Variants in POC1A observed in about 807,000 individuals in gnomAD.
POC1A encodes the protein POC1 centriolar protein A, also known as POC1 centriolar protein homolog A.
In POC1A, 34 loss-of-function variants were observed where a neutral mutation model predicts 47.8. The ratio of observed to expected loss-of-function variants is 0.71; its 90% CI spans 0.54 to 0.95. The LOEUF (loss-of-function observed/expected upper bound fraction) is 0.95, where lower values mean the gene tolerates loss of function less well. Among genes scored for constraint, POC1A ranks in the 40% least tolerant of loss-of-function variants. POC1A has a pLI of 0.00. For synonymous variants in POC1A, 177 were observed against 207.6 expected (o/e 0.85, Z 1.27); for missense variants, 466 against 528.3 (o/e 0.88, Z 1.16).
chr3:52,078,573 C>T (rs575067387), intron 10 of POC1A, among the ~76,000 whole-genome samples: 13 of 144,654 alleles, frequency 9.0e-5, no homozygotes, highest in South Asian at 4.3e-4. Context: ...TGCAGTGGCG[C>T]GATCTCGGCT....
intron 7 of POC1A, among the ~76,000 whole-genome samples, chr3:52,134,174 G>C (rs1467539759): frequency 1.3e-5 from 2 of 152,216 alleles, no homozygotes; most frequent in African/African-American, 2.4e-5. Flanking sequence ...AGATGGAGTA[G>C]AGTGGTGGTT....
intron 10 of POC1A, among the ~76,000 whole-genome samples, chr3:52,094,821 G>A (rs1298701530): frequency 6.6e-6 from 1 of 152,222 alleles, no homozygotes; most frequent in African/African-American, 2.4e-5. Context: ...TGTGAGGCAG[G>A]ACCAGGGTGC....
intron 9 of POC1A, among the ~76,000 whole-genome samples, chr3:52,111,752 C>T (rs893444013): frequency 4.0e-5 from 6 of 151,362 alleles, no homozygotes; most frequent in South Asian, 2.1e-4. Flanking sequence ...CTGGCTCAGA[C>T]AGAGACTCTC....
chr3:52,076,272 T>C (rs1306281610), intron 10 of POC1A, among the ~76,000 whole-genome samples: 1 of 152,176 alleles, frequency 6.6e-6, no homozygotes, highest in Non-Finnish European at 1.5e-5. Context: ...CTTTGGTCAT[T>C]TCTCAAGAGA....
Position 52,090,708 on chromosome 3 carries a change from C to T in POC1A, c.1125+5861G>A, listed in dbSNP as rs750551135. Among the ~76,000 whole-genome samples, 1 of 152,178 alleles carries T rather than the reference C, an allele frequency of 6.6e-6. No individual in the cohort carries two copies. The highest frequency in any genetic ancestry group is 1.5e-5 in the Non-Finnish European group (1 of 68,028). ...AGACCCCTAGATCACCTGGCATCAC[C>T]CCCAAGAGCACAAGGGGAAACAGTA... On this transcript the variant is annotated intron_variant, in intron 10 of 10. Transcript: ENST00000296484. The surrounding 1 kb of genome is among the most constrained non-coding windows in gnomAD (Gnocchi z 4.2).
At chr3:52,138,637 A>G (rs1038458513) in intron 6 of POC1A, among the ~76,000 whole-genome samples, 1 of 152,198 alleles carries the variant, frequency 6.6e-6, no homozygotes, top group Non-Finnish European at 1.5e-5. Flanking sequence ...GTACTCAAAC[A>G]TACAAACATA....
At chr3:52,131,506 G>T (rs753705999) in intron 7 of POC1A, among the ~76,000 whole-genome samples, 2 of 152,140 alleles carry the variant, frequency 1.3e-5, no homozygotes, top group South Asian at 2.1e-4. Context: ...ACTTTCCAGA[G>T]CCTCAAATAG....
At chr3:52,098,045 T>C (rs562410286) in intron 9 of POC1A, among the ~76,000 whole-genome samples, 2 of 152,356 alleles carry the variant, frequency 1.3e-5, no homozygotes, top group South Asian at 4.1e-4. Context: ...TGGTGAGGAA[T>C]GGTGACTCAG....
intron 9 of POC1A, 106 bp downstream of exon 9, chr3:52,122,273 G>C: frequency 1.5e-6 from 1 of 658,750 alleles, no homozygotes; most frequent in South Asian, 1.7e-5. Flanking sequence ...CCTTTCCCGA[G>C]ACAGGCCTAA....
intron 10 of POC1A, among the ~76,000 whole-genome samples, chr3:52,095,810 C>T (rs1355921757): frequency 6.6e-6 from 1 of 152,266 alleles, no homozygotes; most frequent in Non-Finnish European, 1.5e-5. Flanking sequence ...CTTCCTCCCT[C>T]GGGTGAAATG....
Position 52,084,061 on chromosome 3 carries a change from A to G in POC1A, c.1126-8076T>C, listed in dbSNP as rs1702383317. Among the ~76,000 whole-genome samples, 1 of 152,240 alleles carries G rather than the reference A, an allele frequency of 6.6e-6. No homozygotes were observed. The highest frequency in any genetic ancestry group is 2.1e-4 in the South Asian group (1 of 4,836). Reference sequence around the variant, plus strand: ...CTCACAGGTCTGAGTAGGCACAGCCAGGGAGGATGCTGCTCCCACGTGCCT... The same window carrying G: ...CTCACAGGTCTGAGTAGGCACAGCCGGGGAGGATGCTGCTCCCACGTGCCT... On this transcript the variant is annotated intron_variant, in intron 10 of 10. Coordinates refer to ENST00000296484, the MANE Select transcript of POC1A (RefSeq NM_015426.5). The surrounding 1 kb of genome is among the most constrained non-coding windows in gnomAD (Gnocchi z 4.3).
At chr3:52,096,759 G>A in intron 9 of POC1A, 47 bp from the exon 10 acceptor site, 1 of 1,478,414 alleles carries the variant, frequency 6.8e-7, no homozygotes, top group Non-Finnish European at 9.0e-7. Flanking sequence ...AGTGCTTGAA[G>A]AAATACTGTG....
chr3:52,097,722 T>C (rs1702869255), intron 9 of POC1A, among the ~76,000 whole-genome samples: 1 of 152,216 alleles, frequency 6.6e-6, no homozygotes, highest in African/African-American at 2.4e-5. Context: ...CTGGCCCTCA[T>C]GGTAGCTACA....
At chr3:52,132,073 T>C (rs375762718) in intron 7 of POC1A, among the ~76,000 whole-genome samples, 1 of 152,162 alleles carries the variant, frequency 6.6e-6, no homozygotes, top group Admixed American at 6.5e-5. Context: ...TGGAAAGGGA[T>C]TAATATCTAT....
chr3:52,102,702 C>T (rs1193458601), intron 9 of POC1A, among the ~76,000 whole-genome samples: 1 of 152,200 alleles, frequency 6.6e-6, no homozygotes, highest in East Asian at 1.9e-4. Flanking sequence ...AATCTAACAA[C>T]ATATGTGCAA....
chr3:52,142,961 A>G (rs1193105657), intron 6 of POC1A, among the ~76,000 whole-genome samples: 6 of 152,154 alleles, frequency 3.9e-5, no homozygotes. Context: ...CAGGGAGCTC[A>G]GATCAACCTG....
In POC1A at chr3:52,079,576, G is replaced by C. The variant is rs1702221782; in HGVS notation, c.1126-3591C>G. On this transcript the variant is annotated intron_variant, in intron 10 of 10. Coordinates refer to ENST00000296484, the MANE Select transcript of POC1A (RefSeq NM_015426.5). This position sits in a 1 kb window ranked among gnomAD's most constrained non-coding sequence, Gnocchi z 4.6. ...ACCCTGTGCTCTGTACAGGGGAGCA[G>C]GGGCCAGAGGTCTGGTCCTAGCCCC... 6.6e-6 allele frequency among the ~76,000 whole-genome samples: 1 copy of C among 152,240 alleles called. No individual in the cohort carries two copies. Among genetic ancestry groups the C allele is most frequent in the South Asian group, 2.1e-4 (1 of 4,836 alleles).
chr3:52,149,381 T>C lies in POC1A; in HGVS notation c.284A>G (p.Glu95Gly), dbSNP rs761605802. 4 of 1,613,826 alleles carry C rather than the reference T, an allele frequency of 2.5e-6. No homozygotes were observed. The South Asian group carries it at 4.4e-5, about 18-fold the overall frequency. The change falls in exon 4 of 11, where the codon GAG (glutamate) becomes GGG (glycine). Residue 95 changes from glutamate (E) to glycine (G), a missense_variant. Glu to Gly is a moderately conservative substitution (Grantham distance 98). Transcript: ENST00000296484. ...TGTGTGTGCACGAAACACAGTGGACTCACCTTTGCTACAAGGACAGGCATC... is the reference window on the plus strand; with the variant it reads ...TGTGTGTGCACGAAACACAGTGGACCCACCTTTGCTACAAGGACAGGCATC... ...VRIWVPNVKG[E>G]STVFRAHTAT...
At position 52,147,113 on chromosome 3, in the gene POC1A, C is replaced by G; in HGVS notation, c.456-18G>C. ...GGGAGAACCTGAACCGGGTGGGGCA[C>G]AAGTCACATCACAGACTAACAGACG... On this transcript the variant is annotated intron_variant, in intron 4 of 10. Transcript: ENST00000296484. The G allele has an allele frequency of 6.3e-7, 1 of 1,579,156 alleles. No homozygotes were observed. The highest frequency in any genetic ancestry group is 8.7e-7 in the Non-Finnish European group (1 of 1,148,490).
Sources: allele counts gnomAD v4.1 joint callset (sites outside exome capture counted in the v4.1 genomes callset), GRCh38; gene constraint gnomAD v4.1.1; non-coding constraint Gnocchi (gnomAD v3.1); transcripts MANE v1.5; gene names NCBI Gene and HGNC (gene_info 2026-07-23, HGNC 2026-07-21).